The following PIK3C2A variants were observed in gnomAD, a reference collection of about 807,000 sequenced individuals.
PIK3C2A encodes phosphatidylinositol 4-phosphate 3-kinase C2 domain-containing subunit alpha.
PIK3C2A carries 97 observed loss-of-function variants against 204.5 expected under a neutral mutation model. The observed-to-expected ratio is 0.47, with a 90% confidence interval of 0.40 to 0.56. PIK3C2A has a LOEUF of 0.56. Ranked by LOEUF, PIK3C2A falls within the 20% of genes least tolerant of loss-of-function variation. PIK3C2A has a pLI of 0.00. For missense variants in PIK3C2A, 1,735 were observed against 1,969.2 expected (o/e 0.88, Z 2.25); for synonymous variants, 653 against 664.4 (o/e 0.98, Z 0.26).
At chr11:17,185,886 C>T (rs542274) in intron 1 of PIK3C2A, among the ~76,000 whole-genome samples, 73,036 of 151,982 alleles carry the variant, frequency 0.48, 18,392 homozygotes, top group East Asian at 0.82. Context: ...TTCAGACTAT[C>T]CTCAACACAG....
chr11:17,110,600 CAA>C (rs1403975331), intron 21 of PIK3C2A, 39 bp from the exon 22 acceptor site: 7 of 1,576,848 alleles, frequency 4.4e-6, no homozygotes, highest in African/African-American at 1.4e-5. Context: ...TGTACATCTC[CAA>C]AAGACTTAAC....
At position 17,132,084 on chromosome 11, in the gene PIK3C2A, T is replaced by C. The variant is rs775375143; in HGVS notation, c.2109-46A>G. 14 of 1,140,316 alleles carry C rather than the reference T, an allele frequency of 1.2e-5. 1 individual carries two copies. Among genetic ancestry groups the C allele is most frequent in the Admixed American group, 9.5e-5 (4 of 42,220 alleles). 70.6% of individuals were successfully genotyped at this position (1,140,316 alleles called of 1,614,324 possible). ...TTGATTTCTATCATGATAATACAAATTAGTTAACTAATACAAATACATTAG... is the reference window on the plus strand; with the variant it reads ...TTGATTTCTATCATGATAATACAAACTAGTTAACTAATACAAATACATTAG... On this transcript the variant is annotated intron_variant, in intron 11 of 32. Transcript: ENST00000691414.
At chr11:17,170,876 G>A (rs1268234421) in intron 1 of PIK3C2A, among the ~76,000 whole-genome samples, 3 of 152,044 alleles carry the variant, frequency 2.0e-5, no homozygotes, top group Non-Finnish European at 4.4e-5. Flanking sequence ...GGCCGAGGTG[G>A]GCAGATCACA....
At chr11:17,142,921 G>C (rs902915779) in intron 8 of PIK3C2A, among the ~76,000 whole-genome samples, 7 of 151,588 alleles carry the variant, frequency 4.6e-5, no homozygotes, top group African/African-American at 7.3e-5. Flanking sequence ...AAGGAGAATA[G>C]AGAAATGGTG....
At chr11:17,184,496 C>T (rs912952110) in intron 1 of PIK3C2A, among the ~76,000 whole-genome samples, 2 of 151,884 alleles carry the variant, frequency 1.3e-5, no homozygotes, top group African/African-American at 4.8e-5. Context: ...TAGAAAATAG[C>T]CGCTTGTAGA....
At chr11:17,187,950 T>C (rs771085066) in intron 1 of PIK3C2A, among the ~76,000 whole-genome samples, 5 of 152,074 alleles carry the variant, frequency 3.3e-5, no homozygotes, top group Non-Finnish European at 7.4e-5. Flanking sequence ...TGGGAGCCAA[T>C]GGTAGGAAGC....
chr11:17,135,697 G>A (rs1211105029), intron 9 of PIK3C2A, among the ~76,000 whole-genome samples: 2 of 151,454 alleles, frequency 1.3e-5, no homozygotes, highest in African/African-American at 2.4e-5. Context: ...GTGTGTGTGT[G>A]TGTGTGTGTG....
At chr11:17,172,683 G>A (rs777925984) in intron 1 of PIK3C2A, among the ~76,000 whole-genome samples, 30 of 152,114 alleles carry the variant, frequency 2.0e-4, no homozygotes, top group Non-Finnish European at 3.5e-4. Context: ...TATCCTCAGG[G>A]AACAAACGGT....
chr11:17,181,447 C>T (rs1260928485), intron 1 of PIK3C2A, among the ~76,000 whole-genome samples: 2 of 151,296 alleles, frequency 1.3e-5, no homozygotes, highest in African/African-American at 4.9e-5. Flanking sequence ...ACAGGTTGAG[C>T]AACTGAAAGA....
intron 1 of PIK3C2A, among the ~76,000 whole-genome samples, chr11:17,206,294 C>T (rs1852571946): frequency 6.6e-6 from 1 of 152,126 alleles, no homozygotes; most frequent in African/African-American, 2.4e-5. Flanking sequence ...TCCATATGTG[C>T]TTTCTACCTA....
chr11:17,089,482 T>C lies in PIK3C2A; in HGVS notation c.*256A>G. The stretch of plus-strand genomic sequence containing the variant: ...TTTTCAGGAATTAGTATATATTAAG[T>C]TTAGGGTTTGTAGCATTCTACATAA... On this transcript the variant is annotated 3_prime_UTR_variant, in exon 33 of 33. Coordinates refer to ENST00000691414, the MANE Select transcript of PIK3C2A (RefSeq NM_002645.4). 1 of 370,044 alleles carries C rather than the reference T, an allele frequency of 2.7e-6. No homozygotes were observed. Among genetic ancestry groups the C allele is most frequent in the Non-Finnish European group, 4.9e-6 (1 of 203,688 alleles). 22.9% of individuals were successfully genotyped at this position (370,044 alleles called of 1,614,324 possible).
At chr11:17,138,408 C>T in intron 8 of PIK3C2A, 1 of 366,336 alleles carries the variant, frequency 2.7e-6, no homozygotes. Context: ...CTATGTTCTC[C>T]TACCTGACAC....
chr11:17,096,144 T>C (rs7941165), intron 27 of PIK3C2A, among the ~76,000 whole-genome samples: 12,582 of 151,862 alleles, frequency 0.083, 1,246 homozygotes, highest in East Asian at 0.43. Context: ...GTTCAAGCGA[T>C]TCTCCTGCCT....
rs1849827829 is a variant in PIK3C2A, at chr11:17,135,091, T to G, written c.1897+20A>C. ...AAAAGGCGATGATTATTGCTAAAAT[T>G]TAAAGATTTAAACACATACCCCTAG... On this transcript the variant is annotated intron_variant, in intron 10 of 32. Transcript: ENST00000691414. The G allele has an allele frequency of 6.2e-7, 1 of 1,613,514 alleles. No individual in the cohort carries two copies. The highest frequency in any genetic ancestry group is 8.5e-7 in the Non-Finnish European group (1 of 1,179,682).
chr11:17,139,149 G>A (rs1849971468), intron 8 of PIK3C2A, among the ~76,000 whole-genome samples: 1 of 152,046 alleles, frequency 6.6e-6, no homozygotes, highest in Non-Finnish European at 1.5e-5. Flanking sequence ...CTGACCTCAG[G>A]TGATCCACCT....
Position 17,145,620 on chromosome 11 carries a change from C to G in PIK3C2A, c.1704+48G>C, listed in dbSNP as rs766463038. On this transcript the variant is annotated intron_variant, in intron 8 of 32. Coordinates refer to ENST00000691414, the MANE Select transcript of PIK3C2A (RefSeq NM_002645.4). ...AACACTACCATTTAAGAGAAAGAAG[C>G]AGCAAGAATCTTTAAGTCATTATGC... The G allele has an allele frequency of 5.6e-6, 6 of 1,064,226 alleles. No homozygotes were observed. The African/African-American group carries it at 9.5e-5, about 17-fold the overall frequency. 65.9% of individuals were successfully genotyped at this position (1,064,226 alleles called of 1,614,324 possible). A position where few individuals can be genotyped will look rare whatever the true frequency, so the allele number is the denominator to read the frequency against.
intron 1 of PIK3C2A, among the ~76,000 whole-genome samples, chr11:17,191,035 G>A (rs1167014154): frequency 1.3e-5 from 2 of 152,094 alleles, no homozygotes; most frequent in Non-Finnish European, 2.9e-5. Flanking sequence ...CACCCAATGA[G>A]GTTATAATGT....
At chr11:17,114,843 T>C (rs912309189) in intron 19 of PIK3C2A, among the ~76,000 whole-genome samples, 1 of 152,216 alleles carries the variant, frequency 6.6e-6, no homozygotes, top group Non-Finnish European at 1.5e-5. Context: ...GCTTCTTTTG[T>C]AGAGCAATGT....
intron 22 of PIK3C2A, 59 bp from the exon 23 acceptor site, chr11:17,105,364 A>G: frequency 7.4e-7 from 1 of 1,358,874 alleles, no homozygotes; most frequent in South Asian, 1.3e-5. Flanking sequence ...GCCTTTAAAC[A>G]TTTTTAAAAA....
Sources: allele counts gnomAD v4.1 joint callset (sites outside exome capture counted in the v4.1 genomes callset), GRCh38; gene constraint gnomAD v4.1.1; transcripts MANE v1.5; gene names NCBI Gene and HGNC (gene_info 2026-07-23, HGNC 2026-07-21).